The following AK9 variants were observed in gnomAD, a reference collection of about 807,000 sequenced individuals.
AK9 encodes adenylate kinase 9, also known as adenylate kinase domain containing 1.
AK9 carries 191 observed loss-of-function variants against 239.6 expected under a neutral mutation model. The observed-to-expected ratio is 0.80, with a 90% confidence interval of 0.71 to 0.90. AK9 has a LOEUF of 0.90. Among genes scored for constraint, AK9 ranks in the 40% least tolerant of loss-of-function variants. The pLI is 0.00. For missense variants in AK9, 1,995 were observed against 2,214.7 expected (o/e 0.90, Z 1.99); for synonymous variants, 689 against 721.0 (o/e 0.96, Z 0.71).
At chr6:109,560,362 G>GA (rs144198207) in intron 24 of AK9, among the ~76,000 whole-genome samples, 3,008 of 152,184 alleles carry the variant, frequency 0.02, 94 homozygotes, top group African/African-American at 0.07. Flanking sequence ...CTGATCTTAG[G>GA]AAAAAAGCAT....
Position 109,564,808 on chromosome 6 carries a change from T to A in AK9, c.2382A>T (p.Glu794Asp). ...GGCCCTCTTTGGATCCTTTTGGGAT[T>A]TCTGTTTCCACTGTAGTTTCCTCGA... ...EPIEETTVET[E>D]IPKGSKEGLE... Residue 794 changes from glutamate to aspartate, a missense_variant, in exon 22 of 41, where the codon GAA becomes GAT. Transcript: ENST00000424296. The A allele has an allele frequency of 2.6e-6, 4 of 1,546,900 alleles. No homozygotes were observed. Among genetic ancestry groups the A allele is most frequent in the Non-Finnish European group, 3.5e-6 (4 of 1,144,742 alleles).
chr6:109,548,193 G>A (rs558214243), intron 25 of AK9, among the ~76,000 whole-genome samples: 1 of 152,250 alleles, frequency 6.6e-6, no homozygotes, highest in East Asian at 1.9e-4. Flanking sequence ...TCTTCGAAAA[G>A]TTGACAGAAA....
At chr6:109,665,245 T>C in intron 5 of AK9, among the ~76,000 whole-genome samples, 1 of 152,226 alleles carries the variant, frequency 6.6e-6, no homozygotes, top group East Asian at 1.9e-4. Context: ...GTTTTAGATA[T>C]ATGAACTGTA....
At chr6:109,529,097 A>T (rs1780909744) in intron 28 of AK9, 24 bp from the exon 29 acceptor site, 4 of 1,541,040 alleles carry the variant, frequency 2.6e-6, no homozygotes, top group Non-Finnish European at 3.5e-6. Context: ...AGACATTAAA[A>T]AATTGTAATG....
At chr6:109,535,326 T>C (rs571160952) in intron 27 of AK9, among the ~76,000 whole-genome samples, 2 of 152,340 alleles carry the variant, frequency 1.3e-5, no homozygotes, top group Non-Finnish European at 2.9e-5. Context: ...TAACTCATTG[T>C]TGTTTTGATC....
chr6:109,513,994 A>G (rs554385040), intron 32 of AK9, among the ~76,000 whole-genome samples: 20 of 152,308 alleles, frequency 1.3e-4, no homozygotes, highest in African/African-American at 3.4e-4. Context: ...CAGCCAATCA[A>G]TGATTTTTGC....
At chr6:109,629,505 A>G (rs889584454) in intron 12 of AK9, among the ~76,000 whole-genome samples, 6 of 152,168 alleles carry the variant, frequency 3.9e-5, no homozygotes, top group African/African-American at 1.4e-4. Context: ...AAGTTTTTCT[A>G]AACACTTACA....
intron 10 of AK9, among the ~76,000 whole-genome samples, chr6:109,634,578 C>T (rs1057160226): frequency 2.6e-5 from 4 of 152,140 alleles, no homozygotes; most frequent in African/African-American, 9.7e-5. Context: ...CTTCCATGGA[C>T]CACTGCAGCA....
At chr6:109,537,736 G>A (rs1398909638) in intron 27 of AK9, among the ~76,000 whole-genome samples, 2 of 151,930 alleles carry the variant, frequency 1.3e-5, no homozygotes, top group African/African-American at 4.8e-5. Flanking sequence ...TCTCTTGTGG[G>A]CATTTAGTGC....
At chr6:109,648,717 G>T (rs894819183) in intron 8 of AK9, among the ~76,000 whole-genome samples, 2 of 152,172 alleles carry the variant, frequency 1.3e-5, no homozygotes, top group African/African-American at 4.8e-5. Flanking sequence ...TAGAAAAAGA[G>T]GGAATCCTCC....
At chr6:109,511,008 C>T (rs1778677410) in intron 32 of AK9, among the ~76,000 whole-genome samples, 1 of 150,324 alleles carries the variant, frequency 6.7e-6, no homozygotes, top group African/African-American at 2.4e-5. Flanking sequence ...CAGTCATTAA[C>T]AGTACTTCAG....
At chr6:109,655,592 A>C (rs1394992470) in intron 8 of AK9, among the ~76,000 whole-genome samples, 1 of 152,208 alleles carries the variant, frequency 6.6e-6, no homozygotes, top group Non-Finnish European at 1.5e-5. Context: ...TGTGCTGATG[A>C]ACATTTGTTA....
intron 27 of AK9, among the ~76,000 whole-genome samples, chr6:109,537,963 T>C (rs1047022922): frequency 6.6e-6 from 1 of 152,242 alleles, no homozygotes; most frequent in African/African-American, 2.4e-5. Context: ...CACTGTAGTC[T>C]GAGAGACAGT....
intron 3 of AK9, 39 bp downstream of exon 3, chr6:109,674,159 T>G: frequency 6.8e-7 from 1 of 1,475,640 alleles, no homozygotes; most frequent in Non-Finnish European, 9.2e-7. Context: ...ATTTGAAAGT[T>G]TTCATAATAA....
chr6:109,624,024 A>G (rs1795210978), intron 12 of AK9, among the ~76,000 whole-genome samples: 1 of 151,726 alleles, frequency 6.6e-6, no homozygotes, highest in Non-Finnish European at 1.5e-5. Flanking sequence ...TACGTAGAAC[A>G]TGTTCATATT....
rs146724780 is a variant in AK9, at chr6:109,638,316, C to A, written c.933+3202G>T. Among the ~76,000 whole-genome samples, 116 of 152,200 alleles carry A rather than the reference C, an allele frequency of 7.6e-4. 3 individuals carry two copies. In the East Asian group the frequency reaches 0.02, roughly 26 times the overall value. On this transcript the variant is annotated intron_variant, in intron 10 of 40. Transcript: ENST00000424296. ...GTTCTGACCAAGCCCACTTTTCTTCCTCTTCAGCACCAGTTCATATTGCAG... is the reference window on the plus strand; with the variant it reads ...GTTCTGACCAAGCCCACTTTTCTTCATCTTCAGCACCAGTTCATATTGCAG...
chr6:109,571,671 T>C (rs1173382010), intron 21 of AK9, among the ~76,000 whole-genome samples: 1 of 152,164 alleles, frequency 6.6e-6, no homozygotes, highest in Non-Finnish European at 1.5e-5. Context: ...AACACACCGT[T>C]CAACATCAAC....
At chr6:109,673,602 A>G (rs898991906) in intron 3 of AK9, among the ~76,000 whole-genome samples, 2 of 152,108 alleles carry the variant, frequency 1.3e-5, no homozygotes, top group Non-Finnish European at 2.9e-5. Context: ...AATAAAAAAT[A>G]AAAGTTATCA....
chr6:109,656,978 T>C (rs1211816831), intron 7 of AK9, 94 bp from the exon 8 acceptor site: 7 of 1,447,714 alleles, frequency 4.8e-6, no homozygotes, highest in East Asian at 2.3e-5. Context: ...AGATATCATT[T>C]TGGGGTGAGA....
Sources: allele counts gnomAD v4.1 joint callset (sites outside exome capture counted in the v4.1 genomes callset), GRCh38; gene constraint gnomAD v4.1.1; transcripts MANE v1.5; gene names NCBI Gene and HGNC (gene_info 2026-07-23, HGNC 2026-07-21).